KIF6: variants seen among roughly 807,000 people sequenced by gnomAD.
KIF6 encodes the protein kinesin-like protein KIF6.
Under a neutral mutation model 112.7 loss-of-function variants are expected in KIF6, and 106 were observed. That is an observed-to-expected ratio of 0.94 (90% CI 0.80 to 1.11). The LOEUF (loss-of-function observed/expected upper bound fraction) is 1.11. Among genes scored for constraint, KIF6 ranks in the 50% least tolerant of loss-of-function variants. The probability of loss-of-function intolerance (pLI) is 0.00; values close to 1 mark genes in which losing one functional copy is unlikely to be tolerated. For synonymous variants in KIF6, 339 were observed against 339.9 expected (o/e 1.00, Z 0.03); for missense variants, 929 against 964.0 (o/e 0.96, Z 0.48).
At chr6:39,710,410 C>T (rs1351083742) in intron 3 of KIF6, among the ~76,000 whole-genome samples, 1 of 150,818 alleles carries the variant, frequency 6.6e-6, no homozygotes, top group African/African-American at 2.4e-5. Flanking sequence ...GAAATCTGCA[C>T]CAGGAAAGCG....
In KIF6 at chr6:39,593,671, ACT is replaced by A. The variant is rs375775330; in HGVS notation, c.846+2381_846+2382del. Reference sequence around the variant, plus strand: ...GCAATGACATGTGAATGTCATTGAGACTCTGAGCAAATTCATCCCCCTGGGCT... The same window carrying A: ...GCAATGACATGTGAATGTCATTGAGACTGAGCAAATTCATCCCCCTGGGCT... On this transcript the variant is annotated intron_variant, in intron 7 of 22. Transcript: ENST00000287152. Among the ~76,000 whole-genome samples, 109 of 152,274 alleles carry A rather than the reference ACT, an allele frequency of 7.2e-4. No individual in the cohort carries two copies. The Middle Eastern group carries it at 0.01, about 14-fold the overall frequency.
chr6:39,600,722 T>C (rs1386413979), intron 6 of KIF6, among the ~76,000 whole-genome samples: 1 of 152,098 alleles, frequency 6.6e-6, no homozygotes, highest in Non-Finnish European at 1.5e-5. Context: ...CCATATTTCC[T>C]CCCCTTGGAA....
chr6:39,435,955 A>G (rs1771497189), intron 13 of KIF6, among the ~76,000 whole-genome samples: 1 of 152,312 alleles, frequency 6.6e-6, no homozygotes, highest in South Asian at 2.1e-4. Flanking sequence ...TTCCATAGAA[A>G]TTATATTAAT....
chr6:39,640,288 C>G (rs565439774), intron 3 of KIF6, among the ~76,000 whole-genome samples: 1 of 152,160 alleles, frequency 6.6e-6, no homozygotes, highest in East Asian at 1.9e-4. Context: ...GTAGAAGATG[C>G]TAGTCCATAT....
intron 22 of KIF6, among the ~76,000 whole-genome samples, chr6:39,337,239 T>TTTC (rs1763075290): frequency 4.3e-5 from 4 of 93,040 alleles, no homozygotes; most frequent in Non-Finnish European, 7.9e-5. Flanking sequence ...TTCTTTCTTT[T>TTTC]TCTTTCTTTT....
chr6:39,716,415 A>T (rs1004184049), intron 2 of KIF6, among the ~76,000 whole-genome samples: 1 of 152,218 alleles, frequency 6.6e-6, no homozygotes, highest in Non-Finnish European at 1.5e-5. Context: ...ATTTTAGAAG[A>T]ACGATTTTAG....
intron 6 of KIF6, among the ~76,000 whole-genome samples, chr6:39,603,004 T>A (rs1336629650): frequency 6.6e-6 from 1 of 152,158 alleles, no homozygotes; most frequent in African/African-American, 2.4e-5. Flanking sequence ...TCCAAAAAAT[T>A]GTTGTTCCAA....
At chr6:39,437,882 A>C (rs1771640713) in intron 13 of KIF6, among the ~76,000 whole-genome samples, 1 of 152,222 alleles carries the variant, frequency 6.6e-6, no homozygotes, top group Admixed American at 6.5e-5. Context: ...GTTGTATAAA[A>C]ATATTGCGTA....
At chr6:39,708,263 C>T (rs1316310862) in intron 3 of KIF6, among the ~76,000 whole-genome samples, 1 of 152,200 alleles carries the variant, frequency 6.6e-6, no homozygotes, top group Non-Finnish European at 1.5e-5. Flanking sequence ...AGCAAGAGCT[C>T]ATGTGCAAAA....
intron 13 of KIF6, among the ~76,000 whole-genome samples, chr6:39,497,421 C>T (rs62402249): frequency 0.1 from 15,721 of 152,232 alleles, 958 homozygotes; most frequent in African/African-American, 0.16. Context: ...TTCTGATGCA[C>T]CCCTCGCTTG....
chr6:39,481,277 G>C (rs1774781639), intron 13 of KIF6, among the ~76,000 whole-genome samples: 2 of 151,996 alleles, frequency 1.3e-5, no homozygotes, highest in South Asian at 4.2e-4. Context: ...GGTGGTAATG[G>C]AACAGATAGG....
In KIF6 at chr6:39,612,141, A is replaced by T. The variant is rs142016956; in HGVS notation, c.639+1048T>A. On this transcript the variant is annotated intron_variant, in intron 6 of 22. Transcript: ENST00000287152. The stretch of plus-strand genomic sequence containing the variant: ...ATCAATACGATGCTTTCAGTATCTG[A>T]ATTTGGTTTGCATTGGTCTATCTTG... Among the ~76,000 whole-genome samples, 57 of 152,246 alleles carry T rather than the reference A, an allele frequency of 3.7e-4. 2 individuals are homozygous for T. The East Asian group carries it at 0.011, about 29-fold the overall frequency.
intron 9 of KIF6, among the ~76,000 whole-genome samples, chr6:39,579,861 T>C (rs1383230989): frequency 1.3e-5 from 2 of 151,904 alleles, no homozygotes; most frequent in African/African-American, 4.8e-5. Flanking sequence ...GTTAAACACA[T>C]TTGTTTATTT....
intron 6 of KIF6, among the ~76,000 whole-genome samples, chr6:39,602,139 T>G (rs1282930973): frequency 1.3e-5 from 2 of 152,200 alleles, no homozygotes; most frequent in Non-Finnish European, 2.9e-5. Context: ...TCTTAATAGC[T>G]TACTGACCAT....
intron 3 of KIF6, among the ~76,000 whole-genome samples, chr6:39,662,111 A>G (rs1422377192): frequency 6.6e-6 from 1 of 152,202 alleles, no homozygotes. Context: ...TTATTTAAAG[A>G]GTTTGAAATA....
At chr6:39,449,692 T>C (rs1772558941) in intron 13 of KIF6, among the ~76,000 whole-genome samples, 1 of 152,174 alleles carries the variant, frequency 6.6e-6, no homozygotes, top group Non-Finnish European at 1.5e-5. Context: ...TCCAGTACAG[T>C]AGGATGAAAG....
chr6:39,537,640 C>T lies in KIF6; in HGVS notation c.1645+2363G>A, dbSNP rs1007946359. On this transcript the variant is annotated intron_variant, in intron 13 of 22. Coordinates refer to ENST00000287152, the MANE Select transcript of KIF6 (RefSeq NM_145027.6). Reference sequence around the variant, plus strand: ...CAATATCATGAAAATGGCCATACTGCCCAAGGTAATTTATAGATTCAATGC... The same window carrying T: ...CAATATCATGAAAATGGCCATACTGTCCAAGGTAATTTATAGATTCAATGC... Among the ~76,000 whole-genome samples the T allele has an allele frequency of 3.3e-5, 5 of 152,048 alleles. No individual in the cohort carries two copies. The East Asian group carries it at 9.6e-4, about 29-fold the overall frequency.
rs2113886475 is a variant in KIF6, at chr6:39,716,934, T to A, written c.177-2168A>T. ...TGTTTCTACTATACTTTATGTCTAA[T>A]CCATCAGCAAACTCTGTCAGGTGAG... is the stretch of plus-strand genomic sequence containing the variant. On this transcript the variant is annotated intron_variant, in intron 2 of 22. Transcript: ENST00000287152. 2.0e-5 allele frequency among the ~76,000 whole-genome samples: 3 copies of A among 152,274 alleles called. No individual in the cohort carries two copies. The South Asian group carries it at 6.2e-4, about 32-fold the overall frequency.
At chr6:39,377,443 T>A (rs1766539234) in intron 16 of KIF6, among the ~76,000 whole-genome samples, 1 of 151,026 alleles carries the variant, frequency 6.6e-6, no homozygotes, top group Non-Finnish European at 1.5e-5. Context: ...ACACACTGGA[T>A]CATGCTAGGT....
Sources: gnomAD v4.1 joint callset for allele counts (sites outside exome capture counted in the v4.1 genomes callset) on GRCh38, gnomAD v4.1.1 for gene constraint, MANE v1.5 for transcripts, NCBI Gene and HGNC (gene_info 2026-07-23, HGNC 2026-07-21) for gene names.